Variants in CCND3 observed in about 807,000 individuals in gnomAD.
The protein encoded by CCND3 is cyclin D3.
In CCND3, 9 loss-of-function variants were observed where a neutral mutation model predicts 28.7. The observed-to-expected ratio is 0.31, with a 90% CI of 0.19 to 0.55. The LOEUF is 0.55. Ranked by LOEUF, CCND3 falls within the 20% of genes least tolerant of loss-of-function variation. CCND3 has a pLI of 0.93. For synonymous variants in CCND3, 164 were observed against 163.9 expected, an observed-to-expected ratio of 1.00 and a Z score of 0.00; for missense variants, 315 against 385.8, an observed-to-expected ratio of 0.82 and a Z score of 1.54.
intron 1 of CCND3, among the ~76,000 whole-genome samples, chr6:41,994,487 CAG>C (rs1762738936): frequency 6.6e-6 from 1 of 152,126 alleles, no homozygotes; most frequent in African/African-American, 2.4e-5. Flanking sequence ...GACAAACAAA[CAG>C]AGCACAGAGG....
chr6:41,979,907 A>G (rs1175802357), intron 1 of CCND3, among the ~76,000 whole-genome samples: 1 of 151,612 alleles, frequency 6.6e-6, no homozygotes, highest in African/African-American at 2.4e-5. Flanking sequence ...GAGTGCTGGC[A>G]TTACAGGTGG....
In CCND3 at chr6:41,940,555, C is replaced by T; in HGVS notation, c.229G>A (p.Val77Ile). 1 of 1,613,796 alleles carries T rather than the reference C, an allele frequency of 6.2e-7. No individual in the cohort carries two copies. The highest frequency in any genetic ancestry group is 8.5e-7 in the Non-Finnish European group (1 of 1,179,926). ...AGGTAGTTCATGGCCAGGGGGAAGA[C>T]TTCCTCCTCACAGCGCTGCTCCTCA... ...VCEEQRCEEE[V>I]FPLAMNYLDR... Residue 77 changes from valine to isoleucine, a missense_variant, in exon 2 of 5, where the codon GTC becomes ATC. Coordinates refer to ENST00000372991, the MANE Select transcript of CCND3 (RefSeq NM_001760.5).
intron 1 of CCND3, among the ~76,000 whole-genome samples, chr6:41,956,279 G>A (rs1352778587): frequency 1.3e-5 from 2 of 152,078 alleles, no homozygotes; most frequent in African/African-American, 2.4e-5. Context: ...GCGACAGAGC[G>A]AGACTCCTTC....
chr6:41,967,750 T>C (rs1377502508), intron 1 of CCND3, among the ~76,000 whole-genome samples: 1 of 152,194 alleles, frequency 6.6e-6, no homozygotes, highest in East Asian at 1.9e-4. Context: ...TTTTAGTGCG[T>C]CAAAGTGACT....
chr6:41,966,214 G>A (rs1761882286), intron 1 of CCND3, among the ~76,000 whole-genome samples: 1 of 152,186 alleles, frequency 6.6e-6, no homozygotes, highest in African/African-American at 2.4e-5. Flanking sequence ...TGGTAAGCTT[G>A]TTAATTCTGA....
intron 1 of CCND3, among the ~76,000 whole-genome samples, chr6:41,977,923 C>G (rs182913055): frequency 6.0e-4 from 91 of 152,210 alleles, no homozygotes; most frequent in Non-Finnish European, 1.2e-3. Flanking sequence ...GGCATGGCAG[C>G]ACCAGCCTGT....
At chr6:41,974,089 A>AG (rs1309789221) in intron 1 of CCND3, among the ~76,000 whole-genome samples, 2 of 152,200 alleles carry the variant, frequency 1.3e-5, no homozygotes, top group African/African-American at 4.8e-5. Context: ...AGGCTGAGGC[A>AG]GGGGAATCGC....
At chr6:41,993,088 A>G (rs1163977979) in intron 1 of CCND3, among the ~76,000 whole-genome samples, 1 of 152,098 alleles carries the variant, frequency 6.6e-6, no homozygotes, top group African/African-American at 2.4e-5. Context: ...TGTTTTGTAG[A>G]GACAGGGTCT....
intron 1 of CCND3, among the ~76,000 whole-genome samples, chr6:41,977,953 G>A (rs1057221538): frequency 9.9e-5 from 15 of 152,140 alleles, no homozygotes; most frequent in Non-Finnish European, 1.6e-4. Context: ...TACTTGGGAG[G>A]CTGAGGTGGG....
intron 1 of CCND3, among the ~76,000 whole-genome samples, chr6:42,009,581 C>T (rs1763277641): frequency 6.6e-6 from 1 of 152,118 alleles, no homozygotes; most frequent in Admixed American, 6.6e-5. Context: ...CATTCCACTC[C>T]AGTCTGGGCA....
intron 1 of CCND3, among the ~76,000 whole-genome samples, chr6:41,950,524 G>A (rs1776276183): frequency 6.6e-6 from 1 of 152,046 alleles, no homozygotes. Flanking sequence ...TTCATATGGT[G>A]AATGAGGGGA....
At chr6:41,984,808 C>T (rs1015553602) in intron 1 of CCND3, among the ~76,000 whole-genome samples, 5 of 152,164 alleles carry the variant, frequency 3.3e-5, no homozygotes, top group African/African-American at 4.8e-5. Flanking sequence ...GCCATTCTAA[C>T]AGGTGTGAGG....
At chr6:42,017,133 C>T (rs1763544224) in intron 1 of CCND3, among the ~76,000 whole-genome samples, 1 of 152,164 alleles carries the variant, frequency 6.6e-6, no homozygotes, top group South Asian at 2.1e-4. Flanking sequence ...CTGGCCCTCC[C>T]CCACACAGCA....
Position 41,936,132 on chromosome 6 carries a change from G to A in CCND3, c.712-25C>T. 3 of 1,546,282 alleles carry A rather than the reference G, an allele frequency of 1.9e-6. No individual in the cohort carries two copies. The highest frequency in any genetic ancestry group is 2.6e-6 in the Non-Finnish European group (3 of 1,145,902). On this transcript the variant is annotated intron_variant, in intron 4 of 4. Coordinates refer to ENST00000372991, the MANE Select transcript of CCND3 (RefSeq NM_001760.5). The surrounding 1 kb of genome is among the most constrained non-coding windows in gnomAD (Gnocchi z 4.4). ...CCTGGGAACATGGGAGAAGAGTGAG[G>A]AGCAAACACTCCCCCCATAGCATCT...
At chr6:41,975,196 T>A (rs1271404643) in intron 1 of CCND3, among the ~76,000 whole-genome samples, 1 of 152,228 alleles carries the variant, frequency 6.6e-6, no homozygotes, top group African/African-American at 2.4e-5. Flanking sequence ...ATGTATATAA[T>A]GCTTAACTAT....
chr6:41,941,330 C>T lies in CCND3; in HGVS notation c.198+122G>A. ...GGGTGCCCTAGTGAAAGGCCAGGCC[C>T]CGGGAGTCTTAGCCTCGGAGCATCC... is the stretch of plus-strand genomic sequence containing the variant. On this transcript the variant is annotated intron_variant, in intron 1 of 4. Transcript: ENST00000372991. The surrounding 1 kb of genome is among the most constrained non-coding windows in gnomAD (Gnocchi z 6.1). 1 of 1,497,944 alleles carries T rather than the reference C, an allele frequency of 6.7e-7. No homozygotes were observed. The highest frequency in any genetic ancestry group is 1.3e-5 in the South Asian group (1 of 76,278). 92.8% of individuals were successfully genotyped at this position (1,497,944 alleles called of 1,614,324 possible). A position where few individuals can be genotyped will look rare whatever the true frequency, so the allele number is the denominator to read the frequency against.
At chr6:41,982,881 C>CAAAAAAAA (rs56117421) in intron 1 of CCND3, among the ~76,000 whole-genome samples, 1 of 94,428 alleles carries the variant, frequency 1.1e-5, no homozygotes. Context: ...CATCCACATG[C>CAAAAAAAA]AAAAAAAAAA....
At chr6:42,015,016 C>G (rs1203992803) in intron 1 of CCND3, among the ~76,000 whole-genome samples, 1 of 152,148 alleles carries the variant, frequency 6.6e-6, no homozygotes, top group Non-Finnish European at 1.5e-5. Context: ...AGTTTCTAGT[C>G]AATATCAATA....
intron 1 of CCND3, among the ~76,000 whole-genome samples, chr6:42,006,984 G>A (rs571494822): frequency 6.6e-6 from 1 of 152,034 alleles, no homozygotes; most frequent in Non-Finnish European, 1.5e-5. Flanking sequence ...AGATTTGTTA[G>A]AGGGATGGCA....
Sources: gnomAD v4.1 joint callset for allele counts (sites outside exome capture counted in the v4.1 genomes callset) on GRCh38, gnomAD v4.1.1 for gene constraint, Gnocchi (gnomAD v3.1) non-coding constraint, MANE v1.5 for transcripts, NCBI Gene and HGNC (gene_info 2026-07-23, HGNC 2026-07-21) for gene names.